The following CFHR4 variants were observed in gnomAD, a reference collection of about 807,000 sequenced individuals.
CFHR4 encodes complement factor H related 4, also known as complement factor H-related protein 4.
A neutral mutation model predicts 69.3 loss-of-function variants in CFHR4; 64 were observed. That is an observed-to-expected ratio of 0.92 (90% CI 0.76 to 1.14). The LOEUF (loss-of-function observed/expected upper bound fraction) is 1.14, where lower values mean the gene tolerates loss of function less well. Among genes scored for constraint, CFHR4 ranks in the 50% most tolerant of loss-of-function variants. The pLI, the probability that CFHR4 is intolerant of heterozygous loss-of-function variation, is 0.00. For synonymous variants in CFHR4, 244 were observed against 237.0 expected, an observed-to-expected ratio of 1.03 and a Z score of -0.27; for missense variants, 636 against 684.9, an observed-to-expected ratio of 0.93 and a Z score of 0.80.
chr1:196,888,922 G>A (rs777419723), intron 1 of CFHR4, among the ~76,000 whole-genome samples: 2 of 151,010 alleles, frequency 1.3e-5, no homozygotes, highest in Non-Finnish European at 1.5e-5. Flanking sequence ...TTTTCTCCTC[G>A]ATAGTCATGT....
intron 2 of CFHR4, among the ~76,000 whole-genome samples, chr1:196,903,810 A>G (rs995845601): frequency 2.0e-5 from 3 of 151,528 alleles, no homozygotes; most frequent in African/African-American, 4.9e-5. Flanking sequence ...TTATAAAATT[A>G]TAGCATTAAT....
intron 1 of CFHR4, among the ~76,000 whole-genome samples, chr1:196,895,262 G>T (rs1423536171): frequency 6.6e-6 from 1 of 151,320 alleles, no homozygotes; most frequent in African/African-American, 2.4e-5. Context: ...TTAAATTAAA[G>T]TTTGATTATA....
In CFHR4 at chr1:196,910,344, G is replaced by GACC; in HGVS notation, c.865_867dup (p.Pro289dup). 1 of 1,611,954 alleles carries GACC rather than the reference G, an allele frequency of 6.2e-7. No homozygotes were observed. Among genetic ancestry groups the GACC allele is most frequent in the Non-Finnish European group, 8.5e-7 (1 of 1,179,138 alleles). ...CATCTATATTATGAGAATACGCGTAGACCATACTTTCCAGTAGCTACAGGA... is the reference window on the plus strand; with the variant it reads ...CATCTATATTATGAGAATACGCGTAGACCACCATACTTTCCAGTAGCTACAGGA... On this transcript the variant is annotated inframe_insertion, in exon 6 of 10. Transcript: ENST00000608469.
At chr1:196,892,803 C>A (rs1461477944) in intron 1 of CFHR4, among the ~76,000 whole-genome samples, 1 of 151,398 alleles carries the variant, frequency 6.6e-6, no homozygotes, top group Non-Finnish European at 1.5e-5. Flanking sequence ...ATTCATGAAG[C>A]ATTCAAGTCA....
chr1:196,909,950 G>A (rs1361330181), intron 5 of CFHR4, among the ~76,000 whole-genome samples: 1 of 150,982 alleles, frequency 6.6e-6, no homozygotes, highest in Non-Finnish European at 1.5e-5. Flanking sequence ...TCAGGAGTTC[G>A]AGACCAGCCT....
rs1267434640 is a variant in CFHR4, at chr1:196,899,044, C to T, written c.59-3374C>T. On this transcript the variant is annotated intron_variant, in intron 1 of 9. Coordinates refer to ENST00000608469, the MANE Select transcript of CFHR4 (RefSeq NM_001201550.3). Reference sequence around the variant, plus strand: ...CAGAAATGAGTCACTAAGTCCAGCACACAACAAGTGGAGGAGAATTAGGCT... The same window carrying T: ...CAGAAATGAGTCACTAAGTCCAGCATACAACAAGTGGAGGAGAATTAGGCT... 2.0e-5 allele frequency among the ~76,000 whole-genome samples: 3 copies of T among 151,632 alleles called. No individual in the cohort carries two copies. The East Asian group carries it at 5.8e-4, about 29-fold the overall frequency.
chr1:196,917,712 A>G (rs764115163), intron 9 of CFHR4, among the ~76,000 whole-genome samples: 26 of 151,604 alleles, frequency 1.7e-4, no homozygotes, highest in Non-Finnish European at 3.4e-4. Context: ...ATTTTAATAG[A>G]TGACTATTAG....
rs559314226 is a variant in CFHR4 at position 196,902,673 on chromosome 1, G to A, written c.256+58G>A. On this transcript the variant is annotated intron_variant, in intron 2 of 9. Coordinates refer to ENST00000608469, the MANE Select transcript of CFHR4 (RefSeq NM_001201550.3). ...AAAACTTGAAAAGAGTGAGAGAACAGCAAATAAATGATTATATTGTCTTAT... is the reference window on the plus strand; with the variant it reads ...AAAACTTGAAAAGAGTGAGAGAACAACAAATAAATGATTATATTGTCTTAT... 3.1e-5 allele frequency: 39 copies of A among 1,255,020 alleles called. No individual in the cohort carries two copies. In the Admixed American group the frequency reaches 4.1e-4, roughly 13 times the overall value. 77.7% of individuals were successfully genotyped at this position (1,255,020 alleles called of 1,614,324 possible). A position where few individuals can be genotyped will look rare whatever the true frequency, so the allele number is the denominator to read the frequency against.
intron 1 of CFHR4, among the ~76,000 whole-genome samples, chr1:196,897,091 G>C (rs1398941511): frequency 6.6e-6 from 1 of 151,442 alleles, no homozygotes; most frequent in East Asian, 1.9e-4. Context: ...CGATGGAAGG[G>C]AACAGAAAGA....
At chr1:196,907,637 A>G (rs1571436699) in intron 5 of CFHR4, 139 bp downstream of exon 5, 1 of 688,278 alleles carries the variant, frequency 1.5e-6, no homozygotes, top group African/African-American at 1.8e-5. Context: ...TGCCTTTCAG[A>G]TCTTAATATA....
intron 5 of CFHR4, among the ~76,000 whole-genome samples, chr1:196,908,725 A>T (rs570516744): frequency 6.6e-6 from 1 of 151,634 alleles, no homozygotes; most frequent in East Asian, 1.9e-4. Flanking sequence ...GAGAACTGAG[A>T]TACCCATCAG....
chr1:196,913,541 C>A (rs1331285679), intron 7 of CFHR4, among the ~76,000 whole-genome samples: 1 of 151,490 alleles, frequency 6.6e-6, no homozygotes, highest in Non-Finnish European at 1.5e-5. Context: ...GTTCTCTGAA[C>A]ATGCTCGACC....
At chr1:196,897,596 G>C (rs1657382398) in intron 1 of CFHR4, among the ~76,000 whole-genome samples, 2 of 151,330 alleles carry the variant, frequency 1.3e-5, no homozygotes, top group Admixed American at 6.6e-5. Context: ...GGAGTGGGAA[G>C]GTGGTCTTCC....
chr1:196,911,693 A>G (rs1352173550), intron 6 of CFHR4, among the ~76,000 whole-genome samples: 1 of 151,568 alleles, frequency 6.6e-6, no homozygotes, highest in African/African-American at 2.4e-5. Context: ...CCTTTGTAAG[A>G]GCAACTGTCC....
At position 196,889,528 on chromosome 1, in the gene CFHR4, T is replaced by C. The variant is rs976918753; in HGVS notation, c.58+1320T>C. On this transcript the variant is annotated intron_variant, in intron 1 of 9. Transcript: ENST00000608469. ...TGCTGACAAATTCTTTCTTATTTGA[T>C]ATTCCAGTTGAAAACTTTTCTCCTC... Among the ~76,000 whole-genome samples, 101 of 151,764 alleles carry C rather than the reference T, an allele frequency of 6.7e-4. 4 individuals are homozygous for C. Among genetic ancestry groups the C allele is most frequent in the African/African-American group, 2.3e-3 (95 of 41,276 alleles).
chr1:196,908,484 G>C lies in CFHR4; in HGVS notation c.799+986G>C, dbSNP rs138595777. Reference sequence around the variant, plus strand: ...ACAGAAAGCTCAGCCATTTCCAAATGCCAATGCTTTCTGTTTTCACCTTCA... The same window carrying C: ...ACAGAAAGCTCAGCCATTTCCAAATCCCAATGCTTTCTGTTTTCACCTTCA... On this transcript the variant is annotated intron_variant, in intron 5 of 9. Coordinates refer to ENST00000608469, the MANE Select transcript of CFHR4 (RefSeq NM_001201550.3). 1.7e-3 allele frequency among the ~76,000 whole-genome samples: 253 copies of C among 151,274 alleles called. 7 individuals are homozygous for C. Among genetic ancestry groups the C allele is most frequent in the African/African-American group, 5.8e-3 (238 of 40,974 alleles).
intron 5 of CFHR4, among the ~76,000 whole-genome samples, chr1:196,908,455 A>G (rs1018599687): frequency 2.0e-5 from 3 of 151,384 alleles, no homozygotes; most frequent in Non-Finnish European, 4.4e-5. Context: ...AAAGAAAGAA[A>G]TTAACAGAAA....
rs1391420926 is a variant in CFHR4, at chr1:196,888,212, A to G, written c.58+4A>G. 4 of 1,610,646 alleles carry G rather than the reference A, an allele frequency of 2.5e-6. 1 individual carries two copies. The African/African-American group carries it at 5.4e-5, about 22-fold the overall frequency. On this transcript the variant is annotated splice_donor_region_variant and intron_variant, in intron 1 of 9. Coordinates refer to ENST00000608469, the MANE Select transcript of CFHR4 (RefSeq NM_001201550.3). ...GTTTCCTGTGCTAATGGACAAGGTA[A>G]GTTGAAAGAGATCTAAACACTCAGC...
intron 1 of CFHR4, among the ~76,000 whole-genome samples, chr1:196,891,512 G>A (rs1657035784): frequency 6.6e-6 from 1 of 151,394 alleles, no homozygotes; most frequent in South Asian, 2.1e-4. Context: ...CTCCCAGAAA[G>A]TAAAGATGTC....
Sources: gnomAD v4.1 joint callset for allele counts (sites outside exome capture counted in the v4.1 genomes callset) on GRCh38, gnomAD v4.1.1 for gene constraint, MANE v1.5 for transcripts, NCBI Gene and HGNC (gene_info 2026-07-23, HGNC 2026-07-21) for gene names.